CAPRIN2: variants seen among roughly 807,000 people sequenced by gnomAD.
CAPRIN2 encodes caprin-2.
Under a neutral mutation model 130.4 loss-of-function variants are expected in CAPRIN2, and 66 were observed. The observed-to-expected ratio is 0.51, with a 90% CI of 0.42 to 0.62. The LOEUF is 0.62. CAPRIN2 is among the 20% of genes least tolerant of loss of function. CAPRIN2 has a pLI of 0.00. For missense variants in CAPRIN2, 1,185 were observed against 1,246.6 expected (o/e 0.95, Z 0.74); for synonymous variants, 471 against 444.1 (o/e 1.06, Z -0.76).
intron 11 of CAPRIN2, 77 bp from the exon 13 acceptor site, chr12:30,720,992 A>T: frequency 1.1e-6 from 1 of 950,784 alleles, no homozygotes; most frequent in South Asian, 1.3e-5. Context: ...TGGCCTTCCT[A>T]ATATGTTACT....
chr12:30,719,195 A>C lies in CAPRIN2; in HGVS notation c.2148+1616T>G, dbSNP rs763055501. On this transcript the variant is annotated intron_variant, in intron 12 of 16. Transcript: ENST00000298892. ...ATGGGAGGATTTGGAGAAGCTAGTG[A>C]AGACGGTTGCTTGCCTGGGGGAATT... 10 of 1,613,970 alleles carry C rather than the reference A, an allele frequency of 6.2e-6. No homozygotes were observed. The East Asian group carries it at 2.2e-4, about 36-fold the overall frequency.
In CAPRIN2 at chr12:30,720,622, T is replaced by C. The variant is rs556433438; in HGVS notation, c.2148+189A>G. On this transcript the variant is annotated intron_variant, in intron 12 of 16. Coordinates refer to ENST00000298892, the Ensembl canonical transcript of CAPRIN2. Reference sequence around the variant, plus strand: ...CTAGATAAGGCAATACCATATTAAATCTATTTATATGGCAAAGCTACAATA... The same window carrying C: ...CTAGATAAGGCAATACCATATTAAACCTATTTATATGGCAAAGCTACAATA... The C allele has an allele frequency of 1.4e-4, 72 of 498,446 alleles. No individual in the cohort carries two copies. In the East Asian group the frequency reaches 1.6e-3, roughly 11 times the overall value. The allele number at this position is 498,446 out of a possible 1,614,324, so 30.9% of individuals were successfully genotyped here.
At chr12:30,746,042 A>C (rs1013116796) in intron 2 of CAPRIN2, among the ~76,000 whole-genome samples, 1 of 152,248 alleles carries the variant, frequency 6.6e-6, no homozygotes, top group Non-Finnish European at 1.5e-5. Flanking sequence ...GTCCCACCTC[A>C]AAGAGAAGCA....
chr12:30,742,696 A>T (rs185605622), intron 2 of CAPRIN2, among the ~76,000 whole-genome samples: 91 of 152,064 alleles, frequency 6.0e-4, no homozygotes, highest in Non-Finnish European at 1.6e-4. Flanking sequence ...AAAAAAAAAA[A>T]ATGGTCTTAA....
chr12:30,719,337 A>ACACAGGAATGCAAAAGACATTTTG (rs2058652683), intron 12 of CAPRIN2, 112 bp from the exon 14 acceptor site: 1 of 1,202,020 alleles, frequency 8.3e-7, no homozygotes, highest in African/African-American at 1.5e-5. Flanking sequence ...TGACATTTGG[A>ACACAGGAATGCAAAAGACATTTTG]CACAGGAATG....
intron 6 of CAPRIN2, among the ~76,000 whole-genome samples, chr12:30,730,677 T>C (rs2062378808): frequency 6.6e-6 from 1 of 152,100 alleles, no homozygotes; most frequent in South Asian, 2.1e-4. Flanking sequence ...TACAAGCCAG[T>C]TTAAGGTTAG....
At chr12:30,712,713 A>T (rs1470676232) in intron 15 of CAPRIN2, among the ~76,000 whole-genome samples, 1 of 143,754 alleles carries the variant, frequency 7.0e-6, no homozygotes, top group Non-Finnish European at 1.5e-5. Context: ...AGGCATTTAG[A>T]TTCCAAGATG....
chr12:30,731,087 T>C (rs187474552), intron 6 of CAPRIN2, among the ~76,000 whole-genome samples: 1 of 152,304 alleles, frequency 6.6e-6, no homozygotes, highest in Admixed American at 6.5e-5. Context: ...TCAAATTCCA[T>C]AAATGGCTCC....
chr12:30,733,580 A>C, intron 5 of CAPRIN2, 49 bp downstream of exon 6: 1 of 1,239,124 alleles, frequency 8.1e-7, no homozygotes, highest in Non-Finnish European at 1.2e-6. Flanking sequence ...AAACTTCTAG[A>C]CATAAAGTTT....
intron 2 of CAPRIN2, among the ~76,000 whole-genome samples, chr12:30,747,228 T>G (rs764955371): frequency 6.6e-6 from 1 of 152,148 alleles, no homozygotes; most frequent in Non-Finnish European, 1.5e-5. Context: ...AAAAAAAAGA[T>G]TTCTTTCAAA....
At chr12:30,740,173 G>A (rs7958276) in intron 3 of CAPRIN2, among the ~76,000 whole-genome samples, 43,434 of 151,904 alleles carry the variant, frequency 0.29, 6,398 homozygotes, top group Non-Finnish European at 0.33. Context: ...GGAGGCCAAG[G>A]CAGGAAGATC....
intron 2 of CAPRIN2, among the ~76,000 whole-genome samples, chr12:30,745,516 A>T (rs1051821775): frequency 2.6e-5 from 4 of 152,136 alleles, no homozygotes; most frequent in African/African-American, 4.8e-5. Context: ...GCCATATAGA[A>T]CATTACAAGT....
intron 10 of CAPRIN2, among the ~76,000 whole-genome samples, chr12:30,723,667 T>C (rs2060067699): frequency 6.6e-6 from 1 of 152,112 alleles, no homozygotes; most frequent in South Asian, 2.1e-4. Flanking sequence ...AACTTAATTT[T>C]CACAAATTTC....
intron 2 of CAPRIN2, among the ~76,000 whole-genome samples, chr12:30,741,527 T>C (rs2067433646): frequency 6.6e-6 from 1 of 152,066 alleles, no homozygotes; most frequent in African/African-American, 2.4e-5. Flanking sequence ...TGGAAAGATT[T>C]AGAATAATTA....
intron 14 of CAPRIN2, among the ~76,000 whole-genome samples, chr12:30,714,469 C>T (rs10843819): frequency 0.29 from 43,576 of 152,020 alleles, 6,440 homozygotes; most frequent in Non-Finnish European, 0.33. Flanking sequence ...AGGCGTCAGC[C>T]ACCACACCCA....
At chr12:30,740,358 G>T (rs1241651376) in intron 3 of CAPRIN2, among the ~76,000 whole-genome samples, 2 of 152,086 alleles carry the variant, frequency 1.3e-5, no homozygotes, top group Non-Finnish European at 2.9e-5. Flanking sequence ...CTCCTCTCCA[G>T]GAATGAATTT....
chr12:30,735,234 T>C, intron 3 of CAPRIN2, 28 bp from the exon 5 acceptor site: 1 of 1,542,198 alleles, frequency 6.5e-7, no homozygotes. Flanking sequence ...TAATTAAGGG[T>C]AACAATTCTC....
chr12:30,724,251 G>T, intron 10 of CAPRIN2, 119 bp downstream of exon 11: 1 of 667,856 alleles, frequency 1.5e-6, no homozygotes, highest in Non-Finnish European at 2.7e-6. Context: ...GATACAGTTA[G>T]AATAAATTAA....
At chr12:30,716,884 T>C (rs928191646) in intron 12 of CAPRIN2, among the ~76,000 whole-genome samples, 3 of 152,134 alleles carry the variant, frequency 2.0e-5, no homozygotes, top group African/African-American at 7.2e-5. Flanking sequence ...ATCCAAACCA[T>C]AATGCCATAA....
Sources: allele counts gnomAD v4.1 joint callset (sites outside exome capture counted in the v4.1 genomes callset), GRCh38; gene constraint gnomAD v4.1.1; transcripts MANE v1.5; gene names NCBI Gene and HGNC (gene_info 2026-07-23, HGNC 2026-07-21).